Variants in FHIP1A observed in about 807,000 individuals in gnomAD.
The protein encoded by FHIP1A is FHF complex subunit HOOK-interacting protein 1A.
Under a neutral mutation model 88.6 loss-of-function variants are expected in FHIP1A, and 61 were observed. That is an observed-to-expected ratio of 0.69 (90% CI 0.56 to 0.85). FHIP1A has a LOEUF of 0.85. Ranked by LOEUF, FHIP1A falls within the 40% of genes least tolerant of loss-of-function variation. The pLI, the probability that FHIP1A is intolerant of heterozygous loss-of-function variation, is 0.00. For synonymous variants in FHIP1A, 478 were observed against 496.0 expected (o/e 0.96, Z 0.48); for missense variants, 1,154 against 1,273.5 (o/e 0.91, Z 1.43).
chr4:151,606,697 C>T (rs1177727564), intron 7 of FHIP1A, among the ~76,000 whole-genome samples: 1 of 152,138 alleles, frequency 6.6e-6, no homozygotes, highest in African/African-American at 2.4e-5. Context: ...GGCTCCTGAA[C>T]ATTGTCTTGT....
chr4:151,569,406 G>A (rs1300485260), intron 4 of FHIP1A, among the ~76,000 whole-genome samples: 1 of 152,160 alleles, frequency 6.6e-6, no homozygotes, highest in East Asian at 1.9e-4. Context: ...ACAAAAATTA[G>A]CCAGGCATGG....
intron 2 of FHIP1A, among the ~76,000 whole-genome samples, chr4:151,473,204 A>G (rs4077562): frequency 0.41 from 61,748 of 151,988 alleles, 12,718 homozygotes; most frequent in Non-Finnish European, 0.43. Flanking sequence ...GATCTCTAGA[A>G]TCCTTAGAGA....
intron 3 of FHIP1A, among the ~76,000 whole-genome samples, chr4:151,521,594 A>C (rs938501798): frequency 1.3e-5 from 2 of 152,234 alleles, no homozygotes; most frequent in African/African-American, 4.8e-5. Context: ...GGAACCTTGT[A>C]TAAGAATGGG....
chr4:151,512,493 C>G (rs1258220651), intron 3 of FHIP1A, among the ~76,000 whole-genome samples: 1 of 152,128 alleles, frequency 6.6e-6, no homozygotes, highest in Non-Finnish European at 1.5e-5. Flanking sequence ...TTCAGATGAT[C>G]AAACTACTCC....
chr4:151,650,706 G>A, intron 11 of FHIP1A, 114 bp downstream of exon 11: 1 of 1,337,032 alleles, frequency 7.5e-7, no homozygotes, highest in Non-Finnish European at 9.9e-7. Context: ...CTAACAGAGG[G>A]CTGCAAATAT....
chr4:151,544,349 C>T (rs4696094), intron 3 of FHIP1A, among the ~76,000 whole-genome samples: 40,305 of 151,992 alleles, frequency 0.27, 5,979 homozygotes, highest in Non-Finnish European at 0.34. Flanking sequence ...GCTTCACTTA[C>T]AGTGAGACAT....
intron 3 of FHIP1A, among the ~76,000 whole-genome samples, chr4:151,519,016 C>T (rs1731358186): frequency 6.6e-6 from 1 of 152,036 alleles, no homozygotes; most frequent in African/African-American, 2.4e-5. Flanking sequence ...TTGCAAATAT[C>T]CTCTAAGTTC....
At chr4:151,564,175 G>T (rs757359340) in intron 3 of FHIP1A, among the ~76,000 whole-genome samples, 2 of 152,162 alleles carry the variant, frequency 1.3e-5, no homozygotes, top group Non-Finnish European at 2.9e-5. Flanking sequence ...GAAGCAATTG[G>T]CATGATGTAT....
chr4:151,409,902 C>T (rs1732542435), intron 1 of FHIP1A, among the ~76,000 whole-genome samples: 1 of 152,098 alleles, frequency 6.6e-6, no homozygotes. Flanking sequence ...AGGCGGTGCC[C>T]CTCTGAGGTT....
intron 5 of FHIP1A, among the ~76,000 whole-genome samples, chr4:151,578,700 A>G (rs188774579): frequency 6.6e-6 from 1 of 152,268 alleles, no homozygotes. Context: ...TTTCTTACTA[A>G]ACTAAACATA....
At chr4:151,547,762 A>C (rs1732560021) in intron 3 of FHIP1A, among the ~76,000 whole-genome samples, 1 of 152,094 alleles carries the variant, frequency 6.6e-6, no homozygotes, top group East Asian at 1.9e-4. Context: ...AAAAACATAA[A>C]AATTAGCTGG....
intron 3 of FHIP1A, among the ~76,000 whole-genome samples, chr4:151,483,006 A>G (rs1032100683): frequency 6.6e-6 from 1 of 152,130 alleles, no homozygotes; most frequent in Non-Finnish European, 1.5e-5. Context: ...AGAAGGAGCA[A>G]TAACATAAGG....
chr4:151,615,861 T>C (rs1735498513), intron 7 of FHIP1A, among the ~76,000 whole-genome samples: 1 of 152,124 alleles, frequency 6.6e-6, no homozygotes, highest in Non-Finnish European at 1.5e-5. Flanking sequence ...CCTGGTGTCA[T>C]GGTTTGGTGT....
chr4:151,556,642 A>G (rs528549979), intron 3 of FHIP1A, among the ~76,000 whole-genome samples: 1 of 152,256 alleles, frequency 6.6e-6, no homozygotes, highest in Admixed American at 6.5e-5. Context: ...AGTTTTGTAT[A>G]GTCATTTCAT....
intron 1 of FHIP1A, among the ~76,000 whole-genome samples, chr4:151,453,531 C>A (rs1165873217): frequency 6.6e-6 from 1 of 152,116 alleles, no homozygotes; most frequent in Non-Finnish European, 1.5e-5. Context: ...GTAACACATA[C>A]AACAAACTTA....
chr4:151,528,007 C>T (rs887439314), intron 3 of FHIP1A, among the ~76,000 whole-genome samples: 2 of 152,132 alleles, frequency 1.3e-5, no homozygotes, highest in African/African-American at 2.4e-5. Flanking sequence ...GAAGCCCAAG[C>T]GTTATCTCAG....
chr4:151,636,293 A>T (rs1736350074), intron 8 of FHIP1A, among the ~76,000 whole-genome samples: 1 of 152,038 alleles, frequency 6.6e-6, no homozygotes, highest in African/African-American at 2.4e-5. Context: ...AAGGGCATCT[A>T]TGAAAAAGTC....
intron 3 of FHIP1A, among the ~76,000 whole-genome samples, chr4:151,527,398 C>G (rs1731715583): frequency 6.6e-6 from 1 of 152,234 alleles, no homozygotes; most frequent in East Asian, 1.9e-4. Context: ...GCGGCGCACA[C>G]CTGCAGTCGC....
At chr4:151,443,203 T>C (rs1452523881) in intron 1 of FHIP1A, among the ~76,000 whole-genome samples, 2 of 152,144 alleles carry the variant, frequency 1.3e-5, no homozygotes, top group Non-Finnish European at 2.9e-5. Flanking sequence ...GAGGCTGAGA[T>C]AGGACGATCA....
Sources: gnomAD v4.1 joint callset for allele counts (sites outside exome capture counted in the v4.1 genomes callset) on GRCh38, gnomAD v4.1.1 for gene constraint, MANE v1.5 for transcripts, NCBI Gene and HGNC (gene_info 2026-07-23, HGNC 2026-07-21) for gene names.